Variants in CPQ observed in about 807,000 individuals in gnomAD.
CPQ encodes the protein Ser-Met dipeptidase.
CPQ carries 37 observed loss-of-function variants against 45.7 expected under a neutral mutation model. The observed-to-expected ratio is 0.81, with a 90% CI of 0.62 to 1.07. The LOEUF is 1.07. CPQ is among the 50% of genes least tolerant of loss of function. CPQ has a pLI of 0.00. For missense variants in CPQ, 537 were observed against 572.9 expected, an observed-to-expected ratio of 0.94 and a Z score of 0.64; for synonymous variants, 186 against 205.8, an observed-to-expected ratio of 0.90 and a Z score of 0.82.
intron 2 of CPQ, among the ~76,000 whole-genome samples, chr8:96,800,384 TG>T: frequency 6.6e-6 from 1 of 152,306 alleles, no homozygotes; most frequent in South Asian, 2.1e-4. Flanking sequence ...CACTGATTGG[TG>T]GGTGTGAAGC....
At chr8:97,102,313 C>T (rs1811327094) in intron 7 of CPQ, among the ~76,000 whole-genome samples, 1 of 152,114 alleles carries the variant, frequency 6.6e-6, no homozygotes, top group Admixed American at 6.6e-5. Context: ...ATTACTAAGT[C>T]ACCCCCATCC....
At chr8:96,664,503 C>G (rs903363486) in intron 1 of CPQ, among the ~76,000 whole-genome samples, 1 of 152,088 alleles carries the variant, frequency 6.6e-6, no homozygotes, top group Non-Finnish European at 1.5e-5. Flanking sequence ...TACGTGTCAA[C>G]TGAAGATAAA....
chr8:97,116,924 T>C (rs1811604665), intron 7 of CPQ, among the ~76,000 whole-genome samples: 1 of 152,228 alleles, frequency 6.6e-6, no homozygotes, highest in Non-Finnish European at 1.5e-5. Flanking sequence ...GATGCTCTGT[T>C]GGGTCCAGGA....
intron 3 of CPQ, among the ~76,000 whole-genome samples, chr8:96,861,468 A>G (rs1032885067): frequency 1.3e-5 from 2 of 152,176 alleles, no homozygotes; most frequent in South Asian, 2.1e-4. Flanking sequence ...AAGATCTTCT[A>G]TTTCCCAATT....
At chr8:97,124,556 G>A (rs957264046) in intron 7 of CPQ, among the ~76,000 whole-genome samples, 2 of 152,100 alleles carry the variant, frequency 1.3e-5, no homozygotes, top group Admixed American at 1.3e-4. Context: ...AATTTAAAAG[G>A]ATTAAAATTA....
At chr8:97,043,134 A>G (rs957263529) in intron 6 of CPQ, among the ~76,000 whole-genome samples, 8 of 152,230 alleles carry the variant, frequency 5.3e-5, no homozygotes, top group African/African-American at 7.2e-5. Context: ...TCTCTTTGTA[A>G]GTCACTCAGG....
intron 5 of CPQ, among the ~76,000 whole-genome samples, chr8:97,005,840 T>C (rs1000453788): frequency 6.6e-6 from 1 of 152,204 alleles, no homozygotes; most frequent in Non-Finnish European, 1.5e-5. Flanking sequence ...TTGTAGTCGT[T>C]CAAGGCTAAT....
At chr8:96,816,849 A>G (rs929883816) in intron 2 of CPQ, among the ~76,000 whole-genome samples, 6 of 152,126 alleles carry the variant, frequency 3.9e-5, no homozygotes, top group Non-Finnish European at 5.9e-5. Flanking sequence ...GTGGGCTTAA[A>G]ATATTTACTA....
chr8:96,756,221 A>AT (rs1350323126), intron 1 of CPQ, among the ~76,000 whole-genome samples: 2 of 152,016 alleles, frequency 1.3e-5, no homozygotes, highest in Admixed American at 6.6e-5. Context: ...AACTTTTGTA[A>AT]TTTTTAAAAA....
At chr8:96,776,203 A>G (rs1461165267) in intron 1 of CPQ, among the ~76,000 whole-genome samples, 1 of 152,200 alleles carries the variant, frequency 6.6e-6, no homozygotes, top group Non-Finnish European at 1.5e-5. Flanking sequence ...TTAAAGGGCT[A>G]ACTACCGTAA....
chr8:97,029,323 G>A (rs1242609423), intron 5 of CPQ, 80 bp from the exon 6 acceptor site: 1 of 1,340,630 alleles, frequency 7.5e-7, no homozygotes, highest in Non-Finnish European at 1.0e-6. Flanking sequence ...CCTCCACAAG[G>A]CAGATGAGGG....
chr8:96,803,112 G>C (rs769830001), intron 2 of CPQ, among the ~76,000 whole-genome samples: 1 of 152,176 alleles, frequency 6.6e-6, no homozygotes, highest in Non-Finnish European at 1.5e-5. Flanking sequence ...AGGACTGAGA[G>C]CTGGAGAACC....
chr8:97,059,592 A>G (rs558562036), intron 6 of CPQ, among the ~76,000 whole-genome samples: 2 of 152,294 alleles, frequency 1.3e-5, no homozygotes, highest in African/African-American at 4.8e-5. Context: ...TCTACCTTGC[A>G]CAGCAGAGGA....
chr8:96,894,291 CTG>C, intron 4 of CPQ, among the ~76,000 whole-genome samples: 1 of 152,304 alleles, frequency 6.6e-6, no homozygotes, highest in Non-Finnish European at 1.5e-5. Flanking sequence ...GAGATAATAA[CTG>C]TTTATTGTTT....
intron 7 of CPQ, among the ~76,000 whole-genome samples, chr8:97,070,750 A>G (rs1461006226): frequency 6.6e-6 from 1 of 152,204 alleles, no homozygotes; most frequent in African/African-American, 2.4e-5. Context: ...AAGACAATAC[A>G]TGACTTAAAG....
chr8:96,769,727 G>T (rs1365448921), intron 1 of CPQ, among the ~76,000 whole-genome samples: 1 of 151,116 alleles, frequency 6.6e-6, no homozygotes, highest in Admixed American at 6.6e-5. Flanking sequence ...CGCCTCCTGG[G>T]CTCAAACAAT....
At chr8:96,785,381 T>G (rs1810754951) in intron 2 of CPQ, 51 bp downstream of exon 2, 4 of 1,394,522 alleles carry the variant, frequency 2.9e-6, no homozygotes, top group Non-Finnish European at 3.9e-6. Flanking sequence ...CTAATGTCCC[T>G]TGGTGTAATT....
intron 5 of CPQ, among the ~76,000 whole-genome samples, chr8:97,024,322 A>G (rs766770991): frequency 1.5e-4 from 23 of 151,594 alleles, no homozygotes; most frequent in Admixed American, 6.6e-4. Context: ...TCCTTTTTCC[A>G]CACAGATTCT....
intron 4 of CPQ, among the ~76,000 whole-genome samples, chr8:96,951,796 G>A (rs1455976097): frequency 6.6e-6 from 1 of 151,802 alleles, no homozygotes; most frequent in African/African-American, 2.4e-5. Flanking sequence ...TAAGCAGTCT[G>A]TATAAAACAT....
Sources: allele counts gnomAD v4.1 joint callset (sites outside exome capture counted in the v4.1 genomes callset), GRCh38; gene constraint gnomAD v4.1.1; transcripts MANE v1.5; gene names NCBI Gene and HGNC (gene_info 2026-07-23, HGNC 2026-07-21).